The following SYT9 variants were observed in gnomAD, a reference collection of about 807,000 sequenced individuals.
The protein encoded by SYT9 is synaptotagmin-9.
Under a neutral mutation model 48.4 loss-of-function variants are expected in SYT9, and 22 were observed. The ratio of observed to expected loss-of-function variants is 0.45; its 90% CI spans 0.32 to 0.65. The LOEUF is 0.65. SYT9 is among the 30% of genes least tolerant of loss of function. The probability of loss-of-function intolerance (pLI) is 0.03; values close to 1 mark genes in which losing one functional copy is unlikely to be tolerated. For missense variants in SYT9, 577 were observed against 622.0 expected (o/e 0.93, Z 0.77); for synonymous variants, 265 against 245.0 (o/e 1.08, Z -0.76).
chr11:7,252,087 G>C lies in SYT9; in HGVS notation c.-100G>C. On this transcript the variant is annotated 5_prime_UTR_variant, in exon 1 of 7. Transcript: ENST00000318881. This position sits in a 1 kb window ranked among gnomAD's most constrained non-coding sequence, Gnocchi z 6.3. ...ACCGTTTCTCGGCAGGTCCCTGGCG[G>C]TGAGCGCGGACGGCCCGGAGGCGGC... 7.9e-7 allele frequency: 1 copy of C among 1,273,476 alleles called. No homozygotes were observed. Among genetic ancestry groups the C allele is most frequent in the Non-Finnish European group, 1.0e-6 (1 of 997,874 alleles). 78.9% of individuals were successfully genotyped at this position (1,273,476 alleles called of 1,614,324 possible).
chr11:7,335,219 A>AC (rs1337038107), intron 3 of SYT9, among the ~76,000 whole-genome samples: 2 of 152,156 alleles, frequency 1.3e-5, no homozygotes, highest in Non-Finnish European at 2.9e-5. Flanking sequence ...TTCCCTAATA[A>AC]CAAATGAAAT....
At chr11:7,289,790 T>C (rs1848666306) in intron 1 of SYT9, among the ~76,000 whole-genome samples, 1 of 152,268 alleles carries the variant, frequency 6.6e-6, no homozygotes, top group African/African-American at 2.4e-5. Context: ...TTCTTGGTCA[T>C]ATGGCATTGT....
At chr11:7,448,064 G>A (rs538985421) in intron 6 of SYT9, among the ~76,000 whole-genome samples, 1 of 152,344 alleles carries the variant, frequency 6.6e-6, no homozygotes, top group African/African-American at 2.4e-5. Flanking sequence ...TTGCCTAACA[G>A]CATGAGCTCT....
chr11:7,274,650 G>T (rs79609432), intron 1 of SYT9, among the ~76,000 whole-genome samples: 19 of 152,194 alleles, frequency 1.2e-4, no homozygotes, highest in African/African-American at 4.6e-4. Context: ...AGTTTATTTA[G>T]TTAGTTTCTT....
chr11:7,345,231 G>C (rs1301664623), intron 3 of SYT9, among the ~76,000 whole-genome samples: 1 of 152,124 alleles, frequency 6.6e-6, no homozygotes, highest in Admixed American at 6.6e-5. Flanking sequence ...CTCAACTGAG[G>C]GAGCCCACTA....
chr11:7,361,846 A>C (rs1850142675), intron 3 of SYT9, among the ~76,000 whole-genome samples: 1 of 152,208 alleles, frequency 6.6e-6, no homozygotes, highest in Non-Finnish European at 1.5e-5. Flanking sequence ...AGGACTGGTC[A>C]TGCTCTTCAA....
chr11:7,390,849 G>A (rs550023039), intron 3 of SYT9, among the ~76,000 whole-genome samples: 1 of 152,102 alleles, frequency 6.6e-6, no homozygotes, highest in African/African-American at 2.4e-5. Flanking sequence ...TTTGGATATC[G>A]GGGGTACATG....
At chr11:7,319,829 A>C (rs572346850) in intron 3 of SYT9, among the ~76,000 whole-genome samples, 1 of 152,180 alleles carries the variant, frequency 6.6e-6, no homozygotes, top group Admixed American at 6.5e-5. Flanking sequence ...ATTTACCTCC[A>C]TTCAAGCTCC....
intron 3 of SYT9, among the ~76,000 whole-genome samples, chr11:7,415,131 A>G (rs1287192284): frequency 1.3e-5 from 2 of 152,152 alleles, no homozygotes; most frequent in African/African-American, 4.8e-5. Flanking sequence ...GAGGCACGCC[A>G]GCAAAAGAAA....
intron 1 of SYT9, among the ~76,000 whole-genome samples, chr11:7,298,194 A>G (rs1420596111): frequency 1.3e-5 from 2 of 152,040 alleles, no homozygotes; most frequent in Non-Finnish European, 2.9e-5. Flanking sequence ...AAATTTCCCA[A>G]GTCTCTGTTT....
At chr11:7,444,834 T>C (rs935265233) in intron 6 of SYT9, among the ~76,000 whole-genome samples, 1 of 152,200 alleles carries the variant, frequency 6.6e-6, no homozygotes, top group African/African-American at 2.4e-5. Context: ...GCACTGGGAC[T>C]TAGAGGTCAG....
At chr11:7,454,228 C>T in intron 6 of SYT9, 9 of 985,386 alleles carry the variant, frequency 9.1e-6, no homozygotes, top group Non-Finnish European at 1.1e-5. Context: ...CCCACCCTTT[C>T]TCTCTAGCCC....
intron 6 of SYT9, chr11:7,440,958 A>G (rs941446259): frequency 3.3e-5 from 5 of 152,266 alleles, no homozygotes; most frequent in African/African-American, 9.6e-5. Flanking sequence ...GGATGTGGAA[A>G]AAAAGGGTTC....
At chr11:7,434,610 T>A (rs563970363) in intron 6 of SYT9, among the ~76,000 whole-genome samples, 2 of 152,206 alleles carry the variant, frequency 1.3e-5, no homozygotes, top group South Asian at 4.2e-4. Flanking sequence ...CTATGGAAGA[T>A]CGTATCACAT....
intron 1 of SYT9, among the ~76,000 whole-genome samples, chr11:7,243,058 A>G (rs1320889697): frequency 6.6e-6 from 1 of 152,092 alleles, no homozygotes; most frequent in East Asian, 1.9e-4. Context: ...ATAAATAAAT[A>G]AATAAATAAA....
intron 6 of SYT9, among the ~76,000 whole-genome samples, chr11:7,448,344 TG>T (rs759786848): frequency 1.3e-5 from 2 of 152,206 alleles, no homozygotes; most frequent in Non-Finnish European, 2.9e-5. Flanking sequence ...GCTTGAGACT[TG>T]GGGAAAACAT....
At chr11:7,440,765 C>A (rs1271457575) in intron 6 of SYT9, 2 of 152,160 alleles carry the variant, frequency 1.3e-5, no homozygotes, top group Non-Finnish European at 2.9e-5. Context: ...CTTAAGATAC[C>A]AGAATAAATC....
At chr11:7,314,048 G>A (rs1849197037) in intron 3 of SYT9, 107 bp downstream of exon 3, 1 of 1,298,438 alleles carries the variant, frequency 7.7e-7, no homozygotes, top group South Asian at 1.4e-5. Context: ...TCCTGTCAAT[G>A]TACATGTAGC....
intron 2 of SYT9, among the ~76,000 whole-genome samples, chr11:7,307,923 C>T (rs1427347899): frequency 2.0e-5 from 3 of 152,202 alleles, no homozygotes; most frequent in Admixed American, 2.0e-4. Context: ...ATCCACCTAC[C>T]CTTGACAACA....
Sources: allele counts gnomAD v4.1 joint callset (sites outside exome capture counted in the v4.1 genomes callset), GRCh38; gene constraint gnomAD v4.1.1; non-coding constraint Gnocchi (gnomAD v3.1); transcripts MANE v1.5; gene names NCBI Gene and HGNC (gene_info 2026-07-23, HGNC 2026-07-21).